The following SH2B2 variants were observed in gnomAD, a reference collection of about 807,000 sequenced individuals.
SH2B2 encodes the protein SH2B adaptor protein 2.
In SH2B2, 37 loss-of-function variants were observed where a neutral mutation model predicts 35.7. The ratio of observed to expected loss-of-function variants is 1.04; its 90% confidence interval spans 0.80 to 1.36. The LOEUF (loss-of-function observed/expected upper bound fraction) is 1.36, where lower values mean the gene tolerates loss of function less well. SH2B2 is among the 40% of genes most tolerant of loss of function. The pLI, the probability that SH2B2 is intolerant of heterozygous loss-of-function variation, is 0.00. For synonymous variants in SH2B2, 383 were observed against 376.4 expected (o/e 1.02, Z -0.20); for missense variants, 852 against 817.7 (o/e 1.04, Z -0.51).
intron 1 of SH2B2, among the ~76,000 whole-genome samples, chr7:102,288,006 G>T (rs574962674): frequency 1.3e-5 from 2 of 152,294 alleles, no homozygotes; most frequent in Non-Finnish European, 2.9e-5. Context: ...CCCTACCAAT[G>T]CCCCCGAGCC....
Position 102,308,840 on chromosome 7 carries a change from T to C in SH2B2, c.857T>C (p.Leu286Ser). 1.9e-6 allele frequency: 3 copies of C among 1,613,694 alleles called. No homozygotes were observed. The highest frequency in any genetic ancestry group is 2.5e-6 in the Non-Finnish European group (3 of 1,179,850). Residue 286 changes from leucine (L) to serine (S), a missense_variant, in exon 4 of 9, where the codon TTG (leucine) becomes TCG (serine). This residue lies in a region of SH2B2 where 556 missense variants were observed against 514.5 expected (regional missense o/e 1.08). Transcript: ENST00000444095. ...GTAGAGAATGGAGCCGAATACATCT[T>C]GGAGACCATCGACTCTCTGCAGAAG... ...LKVENGAEYI[L>S]ETIDSLQKHS...
intron 4 of SH2B2, chr7:102,309,626 G>T: frequency 4.4e-6 from 1 of 225,034 alleles, no homozygotes; most frequent in South Asian, 4.3e-5. Flanking sequence ...CTCCCGAAGT[G>T]CTGGGATTAC....
chr7:102,308,264 G>T (rs369500710), intron 3 of SH2B2, among the ~76,000 whole-genome samples: 1 of 152,234 alleles, frequency 6.6e-6, no homozygotes, highest in Admixed American at 6.5e-5. Flanking sequence ...TCACAGGGCC[G>T]TTGGGAGGAG....
At chr7:102,289,373 C>T (rs56743788) in intron 1 of SH2B2, among the ~76,000 whole-genome samples, 10,535 of 152,020 alleles carry the variant, frequency 0.069, 770 homozygotes, top group African/African-American at 0.18. Context: ...GATCAAGGGG[C>T]GTTCCCGAGG....
Position 102,316,970 on chromosome 7 carries a change from C to G in SH2B2, c.1187-217C>G, listed in dbSNP as rs1049087508. The G allele has an allele frequency of 1.1e-5, 5 of 455,228 alleles. No individual in the cohort carries two copies. The South Asian group carries it at 1.7e-4, about 16-fold the overall frequency. 28.2% of individuals were successfully genotyped at this position (455,228 alleles called of 1,614,324 possible). On this transcript the variant is annotated intron_variant, in intron 6 of 8. Transcript: ENST00000444095. Reference sequence around the variant, plus strand: ...GAAGGCAGAGGTTACAGTCAGCCACCGGGATTGCAGCATTGCACTCCAGCC... The same window carrying G: ...GAAGGCAGAGGTTACAGTCAGCCACGGGGATTGCAGCATTGCACTCCAGCC...
chr7:102,307,417 C>T (rs1793447009), intron 3 of SH2B2, among the ~76,000 whole-genome samples: 1 of 152,174 alleles, frequency 6.6e-6, no homozygotes. Flanking sequence ...AAGCAATGTC[C>T]CCGGGGAGGC....
At chr7:102,313,896 G>A (rs1404000901) in intron 4 of SH2B2, among the ~76,000 whole-genome samples, 2 of 151,484 alleles carry the variant, frequency 1.3e-5, no homozygotes, top group Non-Finnish European at 2.9e-5. Flanking sequence ...TGGCAACAGA[G>A]TGAGACTCCG....
rs887835309 is a variant in SH2B2, at chr7:102,297,713, G to T, written c.-29-2809G>T. Among the ~76,000 whole-genome samples the T allele has an allele frequency of 6.6e-6, 1 of 151,928 alleles. No individual in the cohort carries two copies. Among genetic ancestry groups the T allele is most frequent in the African/African-American group, 2.4e-5 (1 of 41,338 alleles). ...TTCATTCAGTCAGTGTTTCCCAAGC[G>T]CCTGCTGTATGCCCAGCACTGAGGA... On this transcript the variant is annotated intron_variant, in intron 1 of 8. Transcript: ENST00000444095. This position sits in a 1 kb window ranked among gnomAD's most constrained non-coding sequence, Gnocchi z 4.3.
intron 1 of SH2B2, among the ~76,000 whole-genome samples, chr7:102,298,340 C>G (rs1554552868): frequency 6.6e-6 from 1 of 152,204 alleles, no homozygotes; most frequent in Admixed American, 6.6e-5. Context: ...TAGCTCACTG[C>G]AGCCTCCAAA....
At chr7:102,285,779 G>A (rs1795877679), upstream of SH2B2, among the ~76,000 whole-genome samples, 1 of 152,226 alleles carries the variant, frequency 6.6e-6, no homozygotes, top group African/African-American at 2.4e-5. Context: ...AACTGCCAGA[G>A]GTGGGGGCAG....
At chr7:102,306,608 G>C in intron 2 of SH2B2, 113 bp from the exon 3 acceptor site, 1 of 732,258 alleles carries the variant, frequency 1.4e-6, no homozygotes, top group South Asian at 1.5e-5. Flanking sequence ...CTCTGTACCA[G>C]GGTGGCTGTG....
At chr7:102,310,636 G>A (rs1793584797) in intron 4 of SH2B2, among the ~76,000 whole-genome samples, 2 of 152,328 alleles carry the variant, frequency 1.3e-5, no homozygotes, top group African/African-American at 4.8e-5. Context: ...CAAGCCCCGG[G>A]GGGAAGGGCC....
chr7:102,286,728 C>T (rs1403693207), upstream of SH2B2, among the ~76,000 whole-genome samples: 1 of 126,016 alleles, frequency 7.9e-6, no homozygotes, highest in Admixed American at 8.1e-5. Flanking sequence ...CCGCGGATGG[C>T]CGGGGGCGGG....
intron 8 of SH2B2, 41 bp from the exon 9 acceptor site, chr7:102,321,258 G>A (rs781804475): frequency 7.4e-5 from 98 of 1,331,134 alleles, no homozygotes; most frequent in African/African-American, 2.2e-4. Context: ...GATGTGGCCA[G>A]CCCAGGTCCC....
At chr7:102,306,680 G>C in intron 2 of SH2B2, 41 bp from the exon 3 acceptor site, 5 of 1,447,928 alleles carry the variant, frequency 3.5e-6, no homozygotes, top group Non-Finnish European at 4.8e-6. Context: ...AGGGTGTCGG[G>C]AAATGCTGGG....
intron 7 of SH2B2, among the ~76,000 whole-genome samples, chr7:102,317,937 G>A (rs900122285): frequency 6.6e-6 from 1 of 152,098 alleles, no homozygotes; most frequent in Non-Finnish European, 1.5e-5. Context: ...TGGGAGAGCT[G>A]TGCAGGGTCT....
chr7:102,298,983 C>A (rs1554553006), intron 1 of SH2B2, among the ~76,000 whole-genome samples: 2 of 131,928 alleles, frequency 1.5e-5, no homozygotes. Context: ...TGCAGTGGCG[C>A]GATGTCGGCT....
chr7:102,317,474 C>G lies in SH2B2; in HGVS notation c.1395+79C>G, dbSNP rs1793895231. ...GGTCATGGTGACCCCGGTCCTGAGG[C>G]TGTGCCCTGGAAGCAGCTGCAGGCG... On this transcript the variant is annotated intron_variant, in intron 7 of 8. Transcript: ENST00000444095. 4 of 1,319,330 alleles carry G rather than the reference C, an allele frequency of 3.0e-6. No homozygotes were observed. The South Asian group carries it at 6.4e-5, about 21-fold the overall frequency. 81.7% of individuals were successfully genotyped at this position (1,319,330 alleles called of 1,614,324 possible).
intron 3 of SH2B2, among the ~76,000 whole-genome samples, chr7:102,307,569 G>A (rs1216968183): frequency 2.0e-5 from 3 of 152,030 alleles, no homozygotes; most frequent in African/African-American, 7.2e-5. Context: ...CCCGGACCCT[G>A]AGTCATCCCA....
Sources: gnomAD v4.1 joint callset for allele counts (sites outside exome capture counted in the v4.1 genomes callset) on GRCh38, gnomAD v4.1.1 for gene constraint, gnomAD v4.1.1 regional missense constraint, Gnocchi (gnomAD v3.1) non-coding constraint, MANE v1.5 for transcripts, NCBI Gene and HGNC (gene_info 2026-07-23, HGNC 2026-07-21) for gene names.